Variants in SSH2 observed in about 807,000 individuals in gnomAD.
The protein encoded by SSH2 is slingshot protein phosphatase 2.
SSH2 carries 37 observed loss-of-function variants against 135.2 expected under a neutral mutation model. The ratio of observed to expected loss-of-function variants is 0.27; its 90% CI spans 0.21 to 0.36. The LOEUF is 0.36. Ranked by LOEUF, SSH2 falls within the 10% of genes least tolerant of loss-of-function variation. The pLI is 1.00. For missense variants in SSH2, 1,408 were observed against 1,765.3 expected, an observed-to-expected ratio of 0.80 and a Z score of 3.63; for synonymous variants, 628 against 646.2, an observed-to-expected ratio of 0.97 and a Z score of 0.43.
chr17:29,761,549 G>T, intron 3 of SSH2: 2 of 507,994 alleles, frequency 3.9e-6, no homozygotes, highest in Non-Finnish European at 2.5e-6. Flanking sequence ...ACGCCCGCGC[G>T]GATCCCGCAG....
chr17:29,882,274 C>T (rs2066151723), intron 1 of SSH2, among the ~76,000 whole-genome samples: 1 of 152,184 alleles, frequency 6.6e-6, no homozygotes, highest in African/African-American at 2.4e-5. Context: ...TCTAGTAAAT[C>T]CCTTTTGATG....
chr17:29,840,093 T>A (rs1006043747), intron 2 of SSH2, among the ~76,000 whole-genome samples: 6 of 152,224 alleles, frequency 3.9e-5, no homozygotes, highest in African/African-American at 1.4e-4. Flanking sequence ...CTTAAAAATC[T>A]GAGAAAACCT....
intron 14 of SSH2, among the ~76,000 whole-genome samples, chr17:29,638,060 G>C (rs1397510013): frequency 1.3e-5 from 2 of 151,696 alleles, no homozygotes; most frequent in Non-Finnish European, 2.9e-5. Context: ...GTTGCAGTGG[G>C]CCGAGATTGC....
intron 3 of SSH2, among the ~76,000 whole-genome samples, chr17:29,781,479 T>C (rs541055873): frequency 1.6e-4 from 22 of 138,050 alleles, no homozygotes; most frequent in African/African-American, 4.7e-4. Context: ...TTTTCTTTTT[T>C]TTTTTTTTTT....
chr17:29,726,751 AG>A (rs1598886080), intron 3 of SSH2, among the ~76,000 whole-genome samples: 1 of 152,256 alleles, frequency 6.6e-6, no homozygotes, highest in East Asian at 1.9e-4. Flanking sequence ...TTCTTCTGAC[AG>A]GTCCTTGTCT....
chr17:29,722,371 T>A (rs772249812), intron 3 of SSH2, among the ~76,000 whole-genome samples: 5 of 151,926 alleles, frequency 3.3e-5, no homozygotes, highest in Admixed American at 1.3e-4. Context: ...TTTAAAAAGT[T>A]GGATCTCAGC....
chr17:29,857,786 C>T (rs1293094465), intron 1 of SSH2, among the ~76,000 whole-genome samples: 2 of 152,196 alleles, frequency 1.3e-5, no homozygotes, highest in Admixed American at 6.5e-5. Context: ...CCCATCTTAA[C>T]TATTGTTAAC....
At chr17:29,817,760 T>G (rs2042583194) in intron 2 of SSH2, among the ~76,000 whole-genome samples, 1 of 152,060 alleles carries the variant, frequency 6.6e-6, no homozygotes, top group African/African-American at 2.4e-5. Context: ...GTATACTTTA[T>G]TTATTTATTT....
chr17:29,923,797 T>C (rs1453284951), intron 1 of SSH2, among the ~76,000 whole-genome samples: 3 of 152,066 alleles, frequency 2.0e-5, no homozygotes, highest in Non-Finnish European at 4.4e-5. Context: ...TCCCAGCTAC[T>C]TGGGAGGCTG....
intron 1 of SSH2, among the ~76,000 whole-genome samples, chr17:29,867,671 T>A (rs2151417715): frequency 6.6e-6 from 1 of 152,320 alleles, no homozygotes; most frequent in African/African-American, 2.4e-5. Flanking sequence ...CTTGAACATT[T>A]GTCTGGGGAT....
At chr17:29,728,176 A>G (rs570975507) in intron 3 of SSH2, among the ~76,000 whole-genome samples, 1 of 152,338 alleles carries the variant, frequency 6.6e-6, no homozygotes, top group East Asian at 1.9e-4. Context: ...TCCACCAAAA[A>G]ACTATTAGAA....
chr17:29,672,197 T>A (rs373144586), intron 8 of SSH2, 68 bp from the exon 9 acceptor site: 7 of 1,161,058 alleles, frequency 6.0e-6, no homozygotes, highest in East Asian at 4.8e-5. Flanking sequence ...ACCTGTGTAC[T>A]CCAAACTCTT....
At chr17:29,669,985 G>T (rs1304995818) in intron 9 of SSH2, among the ~76,000 whole-genome samples, 1 of 150,974 alleles carries the variant, frequency 6.6e-6, no homozygotes, top group African/African-American at 2.4e-5. Flanking sequence ...GGATTCAAGT[G>T]GTTCTCCTGC....
In SSH2 at chr17:29,797,397, GGGATTATA is replaced by G. The variant is rs558336166; in HGVS notation, c.145-3468_145-3461del. ...GATATGATTCCATTGTTCATTAAAT[GGGATTATA>G]TACTATGTACTACTTTATGGGAAGA... On this transcript the variant is annotated intron_variant, in intron 2 of 15. Transcript: ENST00000540801. Among the ~76,000 whole-genome samples, 702 of 152,180 alleles carry G rather than the reference GGGATTATA, an allele frequency of 4.6e-3. 7 individuals are homozygous for G. The highest frequency in any genetic ancestry group is 0.016 in the African/African-American group (664 of 41,502).
At chr17:29,844,732 G>A (rs2043102522) in intron 2 of SSH2, among the ~76,000 whole-genome samples, 1 of 152,212 alleles carries the variant, frequency 6.6e-6, no homozygotes, top group African/African-American at 2.4e-5. Flanking sequence ...AGTAGAGGGA[G>A]CAAGTAGCTG....
chr17:29,855,463 C>T (rs968351271), intron 1 of SSH2, among the ~76,000 whole-genome samples: 5 of 152,176 alleles, frequency 3.3e-5, no homozygotes, highest in African/African-American at 4.8e-5. Flanking sequence ...CGAGATCACG[C>T]CACTGCACTC....
chr17:29,650,148 A>G (rs1378532015), intron 13 of SSH2, among the ~76,000 whole-genome samples: 1 of 152,256 alleles, frequency 6.6e-6, no homozygotes, highest in Non-Finnish European at 1.5e-5. Context: ...TACTCTCACT[A>G]GAAGAGCCAA....
At chr17:29,838,075 C>T (rs1332504272) in intron 2 of SSH2, among the ~76,000 whole-genome samples, 1 of 152,274 alleles carries the variant, frequency 6.6e-6, no homozygotes, top group Non-Finnish European at 1.5e-5. Flanking sequence ...AGGAAGGTCC[C>T]TCCTTCCCCA....
rs957314590 is a variant in SSH2, at chr17:29,627,332, C to A, written c.*3509G>T. Reference sequence around the variant, plus strand: ...ATTTTTACCAAACATGCCTAGATCACTTCAGAACTGAAATCCTCAGATGAA... The same window carrying A: ...ATTTTTACCAAACATGCCTAGATCAATTCAGAACTGAAATCCTCAGATGAA... On this transcript the variant is annotated 3_prime_UTR_variant, in exon 16 of 16. Transcript: ENST00000540801. 2 of 152,624 alleles carry A rather than the reference C, an allele frequency of 1.3e-5. No individual in the cohort carries two copies. The highest frequency in any genetic ancestry group is 4.8e-5 in the African/African-American group (2 of 41,444). 9.5% of individuals were successfully genotyped at this position (152,624 alleles called of 1,614,324 possible). A position where few individuals can be genotyped will look rare whatever the true frequency, so the allele number is the denominator to read the frequency against.
Sources: allele counts gnomAD v4.1 joint callset (sites outside exome capture counted in the v4.1 genomes callset), GRCh38; gene constraint gnomAD v4.1.1; transcripts MANE v1.5; gene names NCBI Gene and HGNC (gene_info 2026-07-23, HGNC 2026-07-21).